The following HERC1 variants were observed in gnomAD, a reference collection of about 807,000 sequenced individuals.
HERC1 encodes HECT and RLD domain containing E3 ubiquitin protein ligase family member 1, also known as probable E3 ubiquitin-protein ligase HERC1.
A neutral mutation model predicts 554.3 loss-of-function variants in HERC1; 160 were observed. The ratio of observed to expected loss-of-function variants is 0.29; its 90% CI spans 0.25 to 0.33. The LOEUF is 0.33. Among genes scored for constraint, HERC1 ranks in the 10% least tolerant of loss-of-function variants. HERC1 has a pLI of 1.00. For missense variants in HERC1, 4,919 were observed against 5,918.5 expected (o/e 0.83, Z 5.54); for synonymous variants, 2,175 against 2,131.7 (o/e 1.02, Z -0.56).
intron 63 of HERC1, among the ~76,000 whole-genome samples, chr15:63,637,905 G>C (rs2068855746): frequency 6.6e-6 from 1 of 152,192 alleles, no homozygotes; most frequent in South Asian, 2.1e-4. Flanking sequence ...AGGAAGGGGT[G>C]ATGGGGAAAC....
chr15:63,832,835 AT>A (rs2078203373), intron 1 of HERC1, among the ~76,000 whole-genome samples: 1 of 152,222 alleles, frequency 6.6e-6, no homozygotes, highest in African/African-American at 2.4e-5. Flanking sequence ...ATAAAAAAAA[AT>A]GTGTCTGTTA....
chr15:63,699,393 A>G (rs1428208282), intron 25 of HERC1, among the ~76,000 whole-genome samples: 1 of 152,232 alleles, frequency 6.6e-6, no homozygotes, highest in African/African-American at 2.4e-5. Context: ...ACCTACTCAA[A>G]ACAGAAAGAT....
intron 77 of HERC1, among the ~76,000 whole-genome samples, chr15:63,610,483 G>C (rs1395349988): frequency 6.6e-6 from 1 of 152,230 alleles, no homozygotes; most frequent in Non-Finnish European, 1.5e-5. Context: ...GCCCAGGACA[G>C]ATATAAGGCA....
At chr15:63,827,891 G>A (rs1004199754) in intron 1 of HERC1, among the ~76,000 whole-genome samples, 2 of 152,114 alleles carry the variant, frequency 1.3e-5, no homozygotes, top group Admixed American at 6.6e-5. Flanking sequence ...GGCACAAAAC[G>A]CCACATATTA....
At chr15:63,725,555 T>A in intron 17 of HERC1, 42 bp from the exon 18 acceptor site, 1 of 1,503,374 alleles carries the variant, frequency 6.7e-7, no homozygotes, top group Non-Finnish European at 9.2e-7. Flanking sequence ...TATCTGGTAC[T>A]TTTAAGATTC....
At position 63,686,822 on chromosome 15, in the gene HERC1, C is replaced by T. The variant is rs75043732; in HGVS notation, c.6049-287G>A. ...AGTAGAAACATAAAAGTGTGTCTAA[C>T]CATGCTTGAGAAGGACAAGGTAATG... On this transcript the variant is annotated intron_variant, in intron 33 of 77. Transcript: ENST00000443617. Among the ~76,000 whole-genome samples the T allele has an allele frequency of 0.054, 8,223 of 152,160 alleles. 272 individuals carry two copies. Among genetic ancestry groups the T allele is most frequent in the Non-Finnish European group, 0.072 (4,923 of 68,004 alleles).
chr15:63,652,465 T>A lies in HERC1; in HGVS notation c.10367A>T (p.Asn3456Ile). The A allele has an allele frequency of 6.2e-7, 1 of 1,612,270 alleles. No individual in the cohort carries two copies. Among genetic ancestry groups the A allele is most frequent in the East Asian group, 2.2e-5 (1 of 44,816 alleles). The change falls in exon 52 of 78, where the codon AAT (asparagine) becomes ATT (isoleucine). Residue 3456 changes from asparagine (N) to isoleucine (I), a missense_variant. By Grantham distance (149) the Asn-to-Ile change is moderately radical. Around this residue, in one of 11 missense-constraint regions of HERC1, gnomAD observed 1,963 missense variants for 2,228.6 expected, o/e 0.88. Coordinates refer to ENST00000443617, the MANE Select transcript of HERC1 (RefSeq NM_003922.4). ...CAGTGAATATTGCTTCTTGGTAACA[T>A]TCCATACGCGGATGGTGCCATCATT... The part of the protein sequence containing the change: ...SGNDGTIRVW[N>I]VTKKQYSLQQ...
At chr15:63,664,284 T>A (rs866933112) in intron 43 of HERC1, among the ~76,000 whole-genome samples, 186 bp downstream of exon 43, 1 of 152,200 alleles carries the variant, frequency 6.6e-6, no homozygotes, top group Admixed American at 6.5e-5. Context: ...AATAAGCCTA[T>A]GAATGTATGC....
rs1439176726 is a variant in HERC1 at position 63,692,951 on chromosome 15, C to T, written c.5675-385G>A. 2.0e-5 allele frequency among the ~76,000 whole-genome samples: 3 copies of T among 152,120 alleles called. No individual in the cohort carries two copies. The highest frequency in any genetic ancestry group is 2.9e-5 in the Non-Finnish European group (2 of 67,970). ...ATCCCAGCACTTTGGGAGGTCGAGG[C>T]GGGCGGATCACTTGAGGTCAGGAGT... On this transcript the variant is annotated intron_variant, in intron 30 of 77. Coordinates refer to ENST00000443617, the MANE Select transcript of HERC1 (RefSeq NM_003922.4). This position sits in a 1 kb window ranked among gnomAD's most constrained non-coding sequence, Gnocchi z 4.7.
chr15:63,751,541 GA>G (rs1280847059), intron 8 of HERC1, among the ~76,000 whole-genome samples: 1 of 152,154 alleles, frequency 6.6e-6, no homozygotes, highest in Non-Finnish European at 1.5e-5. Context: ...CACCAGATGA[GA>G]AATACTTGGC....
At chr15:63,702,030 T>A (rs1194735744) in intron 25 of HERC1, among the ~76,000 whole-genome samples, 1 of 152,152 alleles carries the variant, frequency 6.6e-6, no homozygotes, top group Admixed American at 6.5e-5. Flanking sequence ...CCTTACAAGT[T>A]TGGTTTTTAA....
rs992850340 is a variant in HERC1, at chr15:63,815,476, T to C, written c.-27+18351A>G. Among the ~76,000 whole-genome samples, 17 of 152,310 alleles carry C rather than the reference T, an allele frequency of 1.1e-4. 1 individual carries two copies. The highest frequency in any genetic ancestry group is 4.1e-4 in the African/African-American group (17 of 41,574). ...TACTGCAGAAGGTTGTGTAAAGTAA[T>C]GAAAACCGTGCCTGGATGTAGTAAA... On this transcript the variant is annotated intron_variant, in intron 1 of 77. Transcript: ENST00000443617.
chr15:63,659,966 T>C lies in HERC1; in HGVS notation c.9224-30A>G, dbSNP rs367626289. The C allele has an allele frequency of 1.7e-5, 25 of 1,487,264 alleles. No individual in the cohort carries two copies. The African/African-American group carries it at 2.6e-4, about 16-fold the overall frequency. The allele number at this position is 1,487,264 out of a possible 1,614,324, so 92.1% of individuals were successfully genotyped here. On this transcript the variant is annotated intron_variant, in intron 46 of 77. Transcript: ENST00000443617. ...AATTTAAATAAATAAATGTATAGTA[T>C]GTGAATTTAAATATTACATAAATCT...
At position 63,764,186 on chromosome 15, in the gene HERC1, T is replaced by C. The variant is rs1219828071; in HGVS notation, c.936A>G (p.Ser312=). ...ILMQMRRSLG[S]SADRSQWREP... Reference sequence around the variant, plus strand: ...CTCTCCACTGACTCCGATCAGCAGATGAACCCTATAATTAAAACATTGCGG... The same window carrying C: ...CTCTCCACTGACTCCGATCAGCAGACGAACCCTATAATTAAAACATTGCGG... The change falls in exon 3 of 78, where the codon TCA becomes TCG. Residue 312 remains serine, a synonymous_variant. Transcript: ENST00000443617. 6.2e-7 allele frequency: 1 copy of C among 1,605,322 alleles called. No individual in the cohort carries two copies. The highest frequency in any genetic ancestry group is 8.5e-7 in the Non-Finnish European group (1 of 1,174,480).
chr15:63,790,531 T>C (rs2076613915), intron 1 of HERC1, among the ~76,000 whole-genome samples: 1 of 151,838 alleles, frequency 6.6e-6, no homozygotes, highest in Admixed American at 6.6e-5. Flanking sequence ...TGAGCCGAGA[T>C]CGCACCACTG....
At chr15:63,731,653 T>C (rs2074297551) in intron 14 of HERC1, among the ~76,000 whole-genome samples, 2 of 152,196 alleles carry the variant, frequency 1.3e-5, no homozygotes. Context: ...AGCCTTTCAA[T>C]GTGGGCGGGA....
chr15:63,637,728 A>C, intron 63 of HERC1, 85 bp from the exon 64 acceptor site: 2 of 1,108,294 alleles, frequency 1.8e-6, no homozygotes, highest in South Asian at 1.7e-5. Flanking sequence ...CCACGTATAC[A>C]TAGAATGCTT....
chr15:63,744,734 C>G (rs914241255), intron 12 of HERC1, among the ~76,000 whole-genome samples: 2 of 152,178 alleles, frequency 1.3e-5, no homozygotes, highest in African/African-American at 4.8e-5. Flanking sequence ...TGGCCTAGGT[C>G]TCACCCTTCA....
chr15:63,717,708 TA>T (rs1330983572), intron 21 of HERC1, among the ~76,000 whole-genome samples: 1 of 151,996 alleles, frequency 6.6e-6, no homozygotes, highest in African/African-American at 2.4e-5. Flanking sequence ...CCATGTCTAC[TA>T]AAAATACAAA....
Sources: gnomAD v4.1 joint callset for allele counts (sites outside exome capture counted in the v4.1 genomes callset) on GRCh38, gnomAD v4.1.1 for gene constraint, gnomAD v4.1.1 regional missense constraint, Gnocchi (gnomAD v3.1) non-coding constraint, MANE v1.5 for transcripts, NCBI Gene and HGNC (gene_info 2026-07-23, HGNC 2026-07-21) for gene names.